Variants in DOK5 observed in about 807,000 individuals in gnomAD.
The protein encoded by DOK5 is downstream of tyrosine kinase 5.
DOK5 carries 27 observed loss-of-function variants against 43.3 expected under a neutral mutation model. The ratio of observed to expected loss-of-function variants is 0.62; its 90% CI spans 0.46 to 0.86. The LOEUF (loss-of-function observed/expected upper bound fraction) is 0.86, where lower values mean the gene tolerates loss of function less well. Ranked by LOEUF, DOK5 falls within the 40% of genes least tolerant of loss-of-function variation. The probability of loss-of-function intolerance (pLI) is 0.00; values close to 1 mark genes in which losing one functional copy is unlikely to be tolerated. For missense variants in DOK5, 373 were observed against 392.9 expected (o/e 0.95, Z 0.43); for synonymous variants, 146 against 140.1 (o/e 1.04, Z -0.30).
intron 6 of DOK5, among the ~76,000 whole-genome samples, chr20:54,639,647 T>C (rs989092807): frequency 1.3e-5 from 2 of 152,066 alleles, no homozygotes; most frequent in Non-Finnish European, 2.9e-5. Context: ...TATAAAAATA[T>C]ATTTTTTAAG....
intron 1 of DOK5, among the ~76,000 whole-genome samples, chr20:54,505,208 A>G (rs1364870064): frequency 6.6e-6 from 1 of 152,148 alleles, no homozygotes; most frequent in Non-Finnish European, 1.5e-5. Flanking sequence ...GGATTAAATC[A>G]GGGGTTGGTA....
chr20:54,556,038 T>A (rs1275237967), intron 2 of DOK5, among the ~76,000 whole-genome samples: 2 of 152,162 alleles, frequency 1.3e-5, no homozygotes, highest in Non-Finnish European at 2.9e-5. Context: ...ATGAAAACAA[T>A]GGGGAAGCTG....
intron 1 of DOK5, among the ~76,000 whole-genome samples, chr20:54,483,901 C>A (rs1430412811): frequency 6.6e-6 from 1 of 152,140 alleles, no homozygotes; most frequent in Non-Finnish European, 1.5e-5. Flanking sequence ...TGCCCTGGAT[C>A]CCAGAGAACA....
chr20:54,607,309 G>A (rs1362869450), intron 5 of DOK5, among the ~76,000 whole-genome samples: 1 of 152,110 alleles, frequency 6.6e-6, no homozygotes, highest in East Asian at 1.9e-4. Flanking sequence ...CTAGGTCATA[G>A]TGAGTTTGAG....
intron 1 of DOK5, among the ~76,000 whole-genome samples, chr20:54,503,468 A>T (rs943028825): frequency 4.6e-5 from 7 of 151,872 alleles, no homozygotes; most frequent in African/African-American, 1.2e-4. Flanking sequence ...ATTTTTTTTA[A>T]AAAAATGGAA....
chr20:54,478,704 A>G (rs1981539508), intron 1 of DOK5, among the ~76,000 whole-genome samples: 1 of 152,154 alleles, frequency 6.6e-6, no homozygotes, highest in African/African-American at 2.4e-5. Flanking sequence ...TTGCTTGTTG[A>G]CCTTTGACCT....
intron 2 of DOK5, among the ~76,000 whole-genome samples, chr20:54,558,801 A>G (rs1028179681): frequency 2.0e-5 from 3 of 152,166 alleles, no homozygotes; most frequent in Non-Finnish European, 4.4e-5. Flanking sequence ...TTTTAAAGAT[A>G]TTATTAAGAA....
intron 1 of DOK5, among the ~76,000 whole-genome samples, chr20:54,537,831 CTTTTTTTTTTTTT>C (rs927019328): frequency 5.6e-5 from 5 of 89,536 alleles, no homozygotes; most frequent in African/African-American, 8.7e-5. Flanking sequence ...TGTACAAGTT[CTTTTTTTTTTTTT>C]TTTTTTTTTT....
intron 7 of DOK5, among the ~76,000 whole-genome samples, chr20:54,649,895 T>G (rs925385794): frequency 6.6e-6 from 1 of 152,222 alleles, no homozygotes; most frequent in African/African-American, 2.4e-5. Context: ...ACAACCCTTA[T>G]ATTATTAATA....
At position 54,591,764 on chromosome 20, in the gene DOK5, G is replaced by T; in HGVS notation, c.558G>T (p.Arg186=). 1 of 1,614,128 alleles carries T rather than the reference G, an allele frequency of 6.2e-7. No individual in the cohort carries two copies. The change falls in exon 5 of 8, where the codon CGG becomes CGT. Residue 186 remains arginine, a synonymous_variant. Transcript: ENST00000262593. ...CTTGGCCGCTAAGCGCCCTGCGGCG[G>T]TATGGACGTGATACTACGTGGTTCA... is the stretch of plus-strand genomic sequence containing the variant. ...LISWPLSALR[R]YGRDTTWFTF...
chr20:54,627,070 C>A (rs1254513176), intron 6 of DOK5, among the ~76,000 whole-genome samples: 1 of 152,114 alleles, frequency 6.6e-6, no homozygotes, highest in African/African-American at 2.4e-5. Context: ...TTGATGGCTG[C>A]ATGATATTTC....
At chr20:54,533,852 A>G (rs898299059) in intron 1 of DOK5, among the ~76,000 whole-genome samples, 2 of 152,198 alleles carry the variant, frequency 1.3e-5, no homozygotes, top group African/African-American at 4.8e-5. Flanking sequence ...GAGGACAATT[A>G]TATTTTTGAT....
intron 1 of DOK5, among the ~76,000 whole-genome samples, chr20:54,550,200 A>G (rs948608798): frequency 2.2e-4 from 33 of 149,210 alleles, no homozygotes; most frequent in African/African-American, 7.8e-4. Context: ...AAAAAAAAGG[A>G]CTGGAGAAGA....
At chr20:54,492,791 C>T (rs1982238709) in intron 1 of DOK5, among the ~76,000 whole-genome samples, 1 of 151,892 alleles carries the variant, frequency 6.6e-6, no homozygotes, top group South Asian at 2.1e-4. Context: ...CGGTGGCTCA[C>T]GCCTGTAATC....
intron 5 of DOK5, among the ~76,000 whole-genome samples, chr20:54,599,082 T>A (rs1440978888): frequency 6.6e-6 from 1 of 152,264 alleles, no homozygotes; most frequent in Admixed American, 6.5e-5. Context: ...CCAATTTATC[T>A]TCTTAGGTAG....
chr20:54,543,932 A>C (rs1159678800), intron 1 of DOK5, among the ~76,000 whole-genome samples: 1 of 152,032 alleles, frequency 6.6e-6, no homozygotes, highest in Non-Finnish European at 1.5e-5. Flanking sequence ...ACCTGTGCAT[A>C]TTTCCTTAAT....
intron 1 of DOK5, among the ~76,000 whole-genome samples, chr20:54,547,621 A>G (rs1984392223): frequency 6.6e-6 from 1 of 152,248 alleles, no homozygotes; most frequent in East Asian, 1.9e-4. Flanking sequence ...AAGGGTATCA[A>G]ATTTTAAAGG....
intron 2 of DOK5, among the ~76,000 whole-genome samples, chr20:54,581,738 A>G (rs893786421): frequency 3.9e-5 from 6 of 151,962 alleles, no homozygotes; most frequent in African/African-American, 1.4e-4. Context: ...TTGATTTTGT[A>G]TCGTGCCATT....
At chr20:54,587,027 T>C (rs1003219164) in intron 2 of DOK5, among the ~76,000 whole-genome samples, 1 of 152,090 alleles carries the variant, frequency 6.6e-6, no homozygotes, top group Non-Finnish European at 1.5e-5. Flanking sequence ...AAATCTGCTA[T>C]GTGCAGCATG....
Sources: allele counts gnomAD v4.1 joint callset (sites outside exome capture counted in the v4.1 genomes callset), GRCh38; gene constraint gnomAD v4.1.1; transcripts MANE v1.5; gene names NCBI Gene and HGNC (gene_info 2026-07-23, HGNC 2026-07-21).